Variants in VPS13A observed in about 807,000 individuals in gnomAD.
VPS13A encodes intermembrane lipid transfer protein VPS13A.
Under a neutral mutation model 390.9 loss-of-function variants are expected in VPS13A, and 264 were observed. The observed-to-expected ratio is 0.68, with a 90% CI of 0.61 to 0.75. VPS13A has a LOEUF of 0.75. Among genes scored for constraint, VPS13A ranks in the 30% least tolerant of loss-of-function variants. The pLI is 0.00. For synonymous variants in VPS13A, 1,231 were observed against 1,227.1 expected, an observed-to-expected ratio of 1.00 and a Z score of -0.07; for missense variants, 3,409 against 3,733.9, an observed-to-expected ratio of 0.91 and a Z score of 2.27.
intron 15 of VPS13A, 108 bp downstream of exon 15, chr9:77,226,706 TTATA>T: frequency 2.4e-5 from 23 of 965,962 alleles, no homozygotes; most frequent in Non-Finnish European, 3.3e-5. Context: ...ATTTATTTAA[TTATA>T]TATAAAGTTA....
intron 19 of VPS13A, among the ~76,000 whole-genome samples, chr9:77,239,495 T>C (rs1280422690): frequency 1.3e-5 from 2 of 152,084 alleles, no homozygotes; most frequent in African/African-American, 4.8e-5. Flanking sequence ...TTAATTTTTT[T>C]CCCTTTGTAC....
intron 46 of VPS13A, among the ~76,000 whole-genome samples, chr9:77,336,365 A>T (rs1830536532): frequency 6.6e-6 from 1 of 152,028 alleles, no homozygotes. Flanking sequence ...AAACAAAAAC[A>T]CTAAAGCAGA....
At chr9:77,316,549 AAT>A (rs1484248846) in intron 39 of VPS13A, 143 bp downstream of exon 39, 1 of 669,672 alleles carries the variant, frequency 1.5e-6, no homozygotes, top group Non-Finnish European at 2.6e-6. Context: ...CTTAATTTAG[AAT>A]ATTATTTACC....
At position 77,416,623 on chromosome 9, in the gene VPS13A, A is replaced by AACAT; in HGVS notation, c.*619_*622dup. The AACAT allele has an allele frequency of 6.6e-6, 1 of 152,382 alleles. No homozygotes were observed. Among genetic ancestry groups the AACAT allele is most frequent in the East Asian group, 1.9e-4 (1 of 5,212 alleles). The allele number at this position is 152,382 out of a possible 1,614,324, so 9.4% of individuals were successfully genotyped here. Reference sequence around the variant, plus strand: ...AACAATCTTTTAAAATATAATTTATAACATAGATTGAAGCCTCCCCTTAAG... The same window carrying AACAT: ...AACAATCTTTTAAAATATAATTTATAACATACATAGATTGAAGCCTCCCCTTAAG... On this transcript the variant is annotated 3_prime_UTR_variant, in exon 72 of 72. Transcript: ENST00000360280.
chr9:77,194,113 A>G (rs1274372571), intron 1 of VPS13A, among the ~76,000 whole-genome samples: 2 of 152,038 alleles, frequency 1.3e-5, no homozygotes, highest in African/African-American at 4.8e-5. Context: ...AGGCCTGCAT[A>G]TACATTGGAA....
At position 77,276,124 on chromosome 9, in the gene VPS13A, T is replaced by C; in HGVS notation, c.2727T>C (p.Leu909=). 6.2e-7 allele frequency: 1 copy of C among 1,613,354 alleles called. No homozygotes were observed. Among genetic ancestry groups the C allele is most frequent in the Non-Finnish European group, 8.5e-7 (1 of 1,179,674 alleles). The change falls in exon 26 of 72, where the codon CTT becomes CTC. Residue 909 remains leucine (L), a synonymous_variant. Transcript: ENST00000360280. ...GTGAACTATCTGTGGTAGAAATTCT[T>C]GTTTTAGGATTGGGTGCAGAAATTG... ...GDCELSVVEI[L]VLGLGAEIEI... is the part of the protein sequence containing the mutation.
chr9:77,377,350 G>T (rs1423500984), intron 67 of VPS13A, among the ~76,000 whole-genome samples: 1 of 151,230 alleles, frequency 6.6e-6, no homozygotes, highest in Non-Finnish European at 1.5e-5. Flanking sequence ...CTCCCAAGTA[G>T]CTGGGACTAC....
chr9:77,239,203 C>T (rs891975001), intron 19 of VPS13A, among the ~76,000 whole-genome samples: 4 of 151,674 alleles, frequency 2.6e-5, no homozygotes, highest in East Asian at 3.9e-4. Context: ...TTTGGCTGGG[C>T]GCGGTGGCTC....
At chr9:77,184,793 C>G (rs779098014) in intron 1 of VPS13A, among the ~76,000 whole-genome samples, 1 of 151,882 alleles carries the variant, frequency 6.6e-6, no homozygotes. Flanking sequence ...TTGGTCATGA[C>G]GTGTATGTTT....
At position 77,344,252 on chromosome 9, in the gene VPS13A, A is replaced by G. The variant is rs1348129860; in HGVS notation, c.7126A>G (p.Asn2376Asp). ...AAGGATATATTTTAACAAGCAGGAA[A>G]ATTGTATTCTATTGCGTCTAGATAA... ...PKRIYFNKQE[N>D]CILLRLDNEL... The change falls in exon 51 of 72, where the codon AAT becomes GAT. Residue 2376 changes from asparagine to aspartate, a missense_variant. By Grantham distance (23) the Asn-to-Asp change is conservative. Around this residue, in one of 5 missense-constraint regions of VPS13A, gnomAD observed 2,717 missense variants for 2,917.4 expected, o/e 0.93. Transcript: ENST00000360280. 1 of 1,613,374 alleles carries G rather than the reference A, an allele frequency of 6.2e-7. No homozygotes were observed. The highest frequency in any genetic ancestry group is 8.5e-7 in the Non-Finnish European group (1 of 1,179,718).
intron 15 of VPS13A, among the ~76,000 whole-genome samples, chr9:77,227,103 T>C (rs1405673731): frequency 6.6e-6 from 1 of 152,194 alleles, no homozygotes; most frequent in East Asian, 1.9e-4. Flanking sequence ...CTTTTTATAC[T>C]AAATGTGTTG....
chr9:77,226,618 C>T lies in VPS13A; in HGVS notation c.1357+20C>T. The T allele has an allele frequency of 1.9e-6, 3 of 1,608,798 alleles. No homozygotes were observed. Among genetic ancestry groups the T allele is most frequent in the Middle Eastern group, 1.7e-4 (1 of 6,022 alleles). The stretch of plus-strand genomic sequence containing the variant: ...CTGAAAGTATGTCCATTTCATTTTA[C>T]AGCATAGTTAATCACTGGGTGTCAA... On this transcript the variant is annotated intron_variant, in intron 15 of 71. Coordinates refer to ENST00000360280, the MANE Select transcript of VPS13A (RefSeq NM_033305.3).
intron 1 of VPS13A, among the ~76,000 whole-genome samples, chr9:77,199,357 A>G (rs1485206779): frequency 1.3e-5 from 2 of 151,872 alleles, no homozygotes; most frequent in East Asian, 3.9e-4. Flanking sequence ...TTCTAAAGGT[A>G]TTTTCTTTGT....
At chr9:77,204,274 C>T (rs1277642956) in intron 3 of VPS13A, among the ~76,000 whole-genome samples, 1 of 151,998 alleles carries the variant, frequency 6.6e-6, no homozygotes, top group Non-Finnish European at 1.5e-5. Flanking sequence ...TTAAACAATT[C>T]TAAAATATTT....
At chr9:77,213,663 G>T (rs112582806) in intron 9 of VPS13A, among the ~76,000 whole-genome samples, 8,304 of 151,936 alleles carry the variant, frequency 0.055, 335 homozygotes, top group Middle Eastern at 0.12. Flanking sequence ...ACCATGCCCA[G>T]CTAATTTTTA....
At chr9:77,384,590 T>G in intron 68 of VPS13A, 1 of 1,611,556 alleles carries the variant, frequency 6.2e-7, no homozygotes, top group Non-Finnish European at 8.5e-7. Context: ...TACAGAAAAT[T>G]CAATTCTACA....
chr9:77,368,260 T>G, intron 62 of VPS13A, 124 bp downstream of exon 62: 1 of 787,478 alleles, frequency 1.3e-6, no homozygotes. Flanking sequence ...TATTAAAGCA[T>G]GGGTATTTTC....
At chr9:77,204,196 A>G (rs1476563481) in intron 3 of VPS13A, among the ~76,000 whole-genome samples, 1 of 152,198 alleles carries the variant, frequency 6.6e-6, no homozygotes, top group Non-Finnish European at 1.5e-5. Flanking sequence ...TTTTAGCAAC[A>G]TAGTATATTT....
chr9:77,266,857 T>C (rs113164026), intron 23 of VPS13A, among the ~76,000 whole-genome samples: 8,310 of 152,120 alleles, frequency 0.055, 332 homozygotes, highest in South Asian at 0.12. Context: ...GCTTTGTTTG[T>C]TCGTTTTCAT....
Sources: allele counts gnomAD v4.1 joint callset (sites outside exome capture counted in the v4.1 genomes callset), GRCh38; gene constraint gnomAD v4.1.1; regional missense constraint gnomAD v4.1.1; transcripts MANE v1.5; gene names NCBI Gene and HGNC (gene_info 2026-07-23, HGNC 2026-07-21).